SMARCC1: variants seen among roughly 807,000 people sequenced by gnomAD.
The protein encoded by SMARCC1 is SWI/SNF complex subunit SMARCC1.
A neutral mutation model predicts 147.4 loss-of-function variants in SMARCC1; 43 were observed. That is an observed-to-expected ratio of 0.29 (90% CI 0.23 to 0.38). The LOEUF is 0.38. Ranked by LOEUF, SMARCC1 falls within the 10% of genes least tolerant of loss-of-function variation. The pLI is 1.00. For synonymous variants in SMARCC1, 495 were observed against 484.4 expected (o/e 1.02, Z -0.29); for missense variants, 1,119 against 1,381.1 (o/e 0.81, Z 3.01).
chr3:47,589,729 G>A (rs933714013), intron 27 of SMARCC1, among the ~76,000 whole-genome samples: 8 of 152,174 alleles, frequency 5.3e-5, no homozygotes, highest in African/African-American at 1.9e-4. Flanking sequence ...GTGTACTTAA[G>A]GCACATCACA....
At chr3:47,726,215 G>A (rs1175906932) in intron 6 of SMARCC1, among the ~76,000 whole-genome samples, 3 of 151,594 alleles carry the variant, frequency 2.0e-5, no homozygotes, top group African/African-American at 7.3e-5. Flanking sequence ...GAAATATAGT[G>A]AGACACCCAT....
At position 47,657,567 on chromosome 3, in the gene SMARCC1, G is replaced by A. The variant is rs181691806; in HGVS notation, c.2320+3727C>T. Among the ~76,000 whole-genome samples the A allele has an allele frequency of 1.8e-3, 274 of 152,280 alleles. 4 individuals carry two copies. Among genetic ancestry groups the A allele is most frequent in the Admixed American group, 0.013 (202 of 15,292 alleles). ...ACTCCCAGCACTTTGGGAGGCCAAG[G>A]CAGGTGGATCACCTGAGGTCAGGAG... On this transcript the variant is annotated intron_variant, in intron 21 of 27. Transcript: ENST00000254480.
intron 12 of SMARCC1, 40 bp from the exon 13 acceptor site, chr3:47,689,464 A>G: frequency 6.4e-7 from 1 of 1,570,634 alleles, no homozygotes; most frequent in Non-Finnish European, 8.8e-7. Context: ...AAAAACAGGT[A>G]AATGTTCTTT....
At chr3:47,601,460 G>A (rs1248948988) in intron 26 of SMARCC1, among the ~76,000 whole-genome samples, 1 of 152,064 alleles carries the variant, frequency 6.6e-6, no homozygotes, top group Non-Finnish European at 1.5e-5. Flanking sequence ...CAAAATCAGG[G>A]CCAAGTGAGG....
chr3:47,673,971 G>T (rs1356238927), intron 18 of SMARCC1, among the ~76,000 whole-genome samples: 3 of 152,088 alleles, frequency 2.0e-5, no homozygotes, highest in Admixed American at 2.0e-4. Context: ...CTTTTATACT[G>T]ACTCACATGT....
chr3:47,745,683 G>C (rs1444949542), intron 3 of SMARCC1, among the ~76,000 whole-genome samples: 1 of 152,158 alleles, frequency 6.6e-6, no homozygotes, highest in Non-Finnish European at 1.5e-5. Flanking sequence ...TGCACTTCTA[G>C]CCTTGCCAAC....
rs775270703 is a variant in SMARCC1 at position 47,675,521 on chromosome 3, T to G, written c.1793A>C (p.Asn598Thr). The G allele has an allele frequency of 6.2e-7, 1 of 1,613,136 alleles. No homozygotes were observed. Among genetic ancestry groups the G allele is most frequent in the East Asian group, 2.2e-5 (1 of 44,868 alleles). Reference protein sequence around the residue: ...KNKEKPVDLQNFGLRTDIYSK... With the variant: ...KNKEKPVDLQTFGLRTDIYSK... ...GTAAATGTCAGTACGGAGACCAAAG[T>G]TCTGCAAATCAACTGGTTTTTCCTT... is the stretch of plus-strand genomic sequence containing the variant. The change falls in exon 18 of 28, where the codon AAC becomes ACC. Residue 598 changes from asparagine (N) to threonine (T), a missense_variant. Asn to Thr is a moderately conservative substitution (Grantham distance 65, BLOSUM62 0). This residue lies in a region of SMARCC1 where 178 missense variants were observed against 264.6 expected (regional missense o/e 0.67). Coordinates refer to ENST00000254480, the MANE Select transcript of SMARCC1 (RefSeq NM_003074.4).
In SMARCC1 at chr3:47,602,352, C is replaced by T. The variant is rs560987942; in HGVS notation, c.3043+7714G>A. 1.4e-4 allele frequency among the ~76,000 whole-genome samples: 21 copies of T among 152,296 alleles called. No homozygotes were observed. The South Asian group carries it at 3.1e-3, about 23-fold the overall frequency. On this transcript the variant is annotated intron_variant, in intron 26 of 27. Coordinates refer to ENST00000254480, the MANE Select transcript of SMARCC1 (RefSeq NM_003074.4). Reference sequence around the variant, plus strand: ...TTGCTCTATCGCCCAGGCTGGAGTGCGGTGGCACAATCTTGGCTAAATGCA... The same window carrying T: ...TTGCTCTATCGCCCAGGCTGGAGTGTGGTGGCACAATCTTGGCTAAATGCA...
Position 47,698,110 on chromosome 3 carries a change from TA to T in SMARCC1, c.1165+3167del, listed in dbSNP as rs886312466. Among the ~76,000 whole-genome samples, 169 of 134,932 alleles carry T rather than the reference TA, an allele frequency of 1.3e-3. 1 individual carries two copies. Among genetic ancestry groups the T allele is most frequent in the African/African-American group, 2.7e-3 (101 of 36,804 alleles). 88.5% of individuals were successfully genotyped at this position (134,932 alleles called of 152,430 possible). ...AAACAATCAAATATAGCCAACACAT[TA>T]AAAAAAAAAATACAATGTCATCAAA... On this transcript the variant is annotated intron_variant, in intron 11 of 27. Transcript: ENST00000254480.
intron 5 of SMARCC1, among the ~76,000 whole-genome samples, chr3:47,733,034 G>C (rs1376693810): frequency 2.7e-5 from 4 of 150,472 alleles, no homozygotes; most frequent in Non-Finnish European, 5.9e-5. Context: ...TTGAACCCGG[G>C]AGGTGGAGGA....
Position 47,675,573 on chromosome 3 carries a change from G to A in SMARCC1, c.1741C>T (p.Gln581Ter). Residue 581 changes from glutamine to a stop codon, truncating the protein, a stop_gained, in exon 18 of 28, where the codon CAG (glutamine) becomes TAG (stop). Transcript: ENST00000254480. LOFTEE classifies it high-confidence loss of function. ...TTTTTCTCAGGAAAATTTAGCATCT[G>A]TTGAGCAGCAGGAACCTGAGTCAAA... ...LRSPQVPAAQ[Q>*]MLNFPEKNKE... 6.2e-7 allele frequency: 1 copy of A among 1,600,740 alleles called. No individual in the cohort carries two copies. Among genetic ancestry groups the A allele is most frequent in the Non-Finnish European group, 8.6e-7 (1 of 1,167,868 alleles).
intron 21 of SMARCC1, among the ~76,000 whole-genome samples, chr3:47,642,785 C>A (rs2033066215): frequency 6.6e-6 from 1 of 152,120 alleles, no homozygotes; most frequent in Admixed American, 6.6e-5. Context: ...GTGGCTCATG[C>A]CTATAATCCC....
chr3:47,607,460 G>A (rs149653502), intron 26 of SMARCC1, among the ~76,000 whole-genome samples: 143 of 152,240 alleles, frequency 9.4e-4, no homozygotes, highest in African/African-American at 3.3e-3. Flanking sequence ...ACAAACTTTG[G>A]CTCTAAGCAC....
rs2034430721 is a variant in SMARCC1, at chr3:47,735,480, A to G, written c.576+554T>C. ...GACCAGCCTGGGAACATAGTGAGAAACCATTGTGGCCGGGCACAGTGGCTC... is the reference window on the plus strand; with the variant it reads ...GACCAGCCTGGGAACATAGTGAGAAGCCATTGTGGCCGGGCACAGTGGCTC... On this transcript the variant is annotated intron_variant, in intron 5 of 27. Coordinates refer to ENST00000254480, the MANE Select transcript of SMARCC1 (RefSeq NM_003074.4). Among the ~76,000 whole-genome samples the G allele has an allele frequency of 2.6e-5, 4 of 152,046 alleles. No individual in the cohort carries two copies. The South Asian group carries it at 8.3e-4, about 32-fold the overall frequency.
At chr3:47,610,870 T>C (rs201933281) in intron 25 of SMARCC1, 3 of 154,374 alleles carry the variant, frequency 1.9e-5, no homozygotes, top group African/African-American at 4.8e-5. Flanking sequence ...TGCAAAGATA[T>C]GCATTTCTCT....
intron 21 of SMARCC1, among the ~76,000 whole-genome samples, chr3:47,639,485 G>A (rs1207881850): frequency 5.3e-5 from 8 of 152,204 alleles, no homozygotes; most frequent in East Asian, 1.9e-4. Context: ...AGGCCGAGGC[G>A]GCTGCATCAC....
At chr3:47,641,339 G>A (rs1227943398) in intron 21 of SMARCC1, among the ~76,000 whole-genome samples, 5 of 152,032 alleles carry the variant, frequency 3.3e-5, no homozygotes, top group Admixed American at 2.0e-4. Flanking sequence ...ATACAAAAAC[G>A]AGCCAGGCAT....
chr3:47,740,178 C>CTTTTTTTTTTTTTT (rs34523367), intron 3 of SMARCC1, among the ~76,000 whole-genome samples: 1 of 35,708 alleles, frequency 2.8e-5, no homozygotes, highest in Non-Finnish European at 5.6e-5. Flanking sequence ...GCCCGGCCAT[C>CTTTTTTTTTTTTTT]TTTTTTTTTT....
rs79394230 is a variant in SMARCC1 at position 47,585,583 on chromosome 3, C to G, written c.*2626G>C. The G allele has an allele frequency of 1.3e-5, 2 of 152,278 alleles. No homozygotes were observed. Among genetic ancestry groups the G allele is most frequent in the Non-Finnish European group, 2.9e-5 (2 of 68,064 alleles). 9.4% of individuals were successfully genotyped at this position (152,278 alleles called of 1,614,324 possible). ...TGCCTCCAACTTGGGACTGTCTAAACTGCATCCTGACAAACATTATCCCAT... is the reference window on the plus strand; with the variant it reads ...TGCCTCCAACTTGGGACTGTCTAAAGTGCATCCTGACAAACATTATCCCAT... On this transcript the variant is annotated 3_prime_UTR_variant, in exon 28 of 28. Coordinates refer to ENST00000254480, the MANE Select transcript of SMARCC1 (RefSeq NM_003074.4).
Sources: gnomAD v4.1 joint callset for allele counts (sites outside exome capture counted in the v4.1 genomes callset) on GRCh38, gnomAD v4.1.1 for gene constraint, gnomAD v4.1.1 regional missense constraint, MANE v1.5 for transcripts, NCBI Gene and HGNC (gene_info 2026-07-23, HGNC 2026-07-21) for gene names.